Variants in TTC39A observed in about 807,000 individuals in gnomAD.
TTC39A encodes the protein tetratricopeptide repeat protein 39A.
In TTC39A, 46 loss-of-function variants were observed where a neutral mutation model predicts 82.3. That is an observed-to-expected ratio of 0.56 (90% CI 0.44 to 0.71). The LOEUF is 0.71. Among genes scored for constraint, TTC39A ranks in the 30% least tolerant of loss-of-function variants. TTC39A has a pLI of 0.00. For synonymous variants in TTC39A, 254 were observed against 275.2 expected, an observed-to-expected ratio of 0.92 and a Z score of 0.76; for missense variants, 543 against 712.9, an observed-to-expected ratio of 0.76 and a Z score of 2.71.
chr1:51,313,079 T>C (rs1324030483), intron 2 of TTC39A, 136 bp from the exon 3 acceptor site: 8 of 1,215,356 alleles, frequency 6.6e-6, no homozygotes, highest in Non-Finnish European at 9.2e-6. Context: ...GGGAGGGCCT[T>C]GGCCAGGTCT....
chr1:51,308,320 A>G (rs1248930936), intron 6 of TTC39A, among the ~76,000 whole-genome samples: 2 of 150,506 alleles, frequency 1.3e-5, no homozygotes, highest in Non-Finnish European at 3.0e-5. Context: ...GCTCACTGCA[A>G]CCTCCGCCTC....
intron 1 of TTC39A, among the ~76,000 whole-genome samples, chr1:51,340,580 T>C (rs1646022230): frequency 6.6e-6 from 1 of 152,148 alleles, no homozygotes; most frequent in Non-Finnish European, 1.5e-5. Flanking sequence ...AGCCTCTTCT[T>C]ACTTGACCCC....
chr1:51,288,920 G>T lies in TTC39A; in HGVS notation c.1529C>A (p.Pro510Gln). Residue 510 changes from proline (P) to glutamine (Q), a missense_variant, in exon 17 of 18, where the codon CCA (proline) becomes CAA (glutamine). Pro to Gln is a moderately conservative substitution (Grantham distance 76). Coordinates refer to ENST00000680483, the MANE Select transcript of TTC39A (RefSeq NM_001297663.2). This position sits in a 1 kb window ranked among gnomAD's most constrained non-coding sequence, Gnocchi z 4.8. ...CAGGGCCAGCTCCAGCAGGGCGTTT[G>T]GGATCAAGTAGTGGTCATATTTAAT... ...KKIKYDHYLI[P>Q]NALLELALLL... 1 of 1,611,188 alleles carries T rather than the reference G, an allele frequency of 6.2e-7. No individual in the cohort carries two copies.
chr1:51,301,631 G>A lies in TTC39A; in HGVS notation c.994C>T (p.Gln332Ter). 1 of 1,613,724 alleles carries A rather than the reference G, an allele frequency of 6.2e-7. No individual in the cohort carries two copies. The highest frequency in any genetic ancestry group is 8.5e-7 in the Non-Finnish European group (1 of 1,179,740). The change falls in exon 12 of 18, where the codon CAG becomes TAG. Residue 332 changes from glutamine (Q) to a stop codon, truncating the protein, a stop_gained. Coordinates refer to ENST00000680483, the MANE Select transcript of TTC39A (RefSeq NM_001297663.2). LOFTEE classifies it high-confidence loss of function. The part of the protein sequence containing the change: ...ELMWCFTYKG[Q>*]WKMSYFYADL... ...GCGTAGAAGTAGGACATCTTCCACT[G>A]GCCCTTGTAGGTGAAGCACCACATC... is the stretch of plus-strand genomic sequence containing the variant.
chr1:51,299,151 C>T (rs550491543), intron 12 of TTC39A: 4 of 152,314 alleles, frequency 2.6e-5, no homozygotes, highest in East Asian at 1.9e-4. Flanking sequence ...ACTTAGGCCT[C>T]GGAACCTGGC....
At chr1:51,311,352 T>C in intron 4 of TTC39A, 31 bp from the exon 5 acceptor site, 1 of 1,551,170 alleles carries the variant, frequency 6.4e-7, no homozygotes, top group Non-Finnish European at 8.7e-7. Flanking sequence ...CCCCGTGGCC[T>C]CCTGGGACTC....
chr1:51,333,220 C>CAA (rs748559262), upstream of TTC39A, among the ~76,000 whole-genome samples: 6,973 of 79,904 alleles, frequency 0.087, 227 homozygotes, highest in East Asian at 0.13. Context: ...TCGCCCCCAC[C>CAA]AAAAAAAAAA....
intron 6 of TTC39A, 99 bp downstream of exon 6, chr1:51,309,161 GT>G: frequency 6.9e-7 from 1 of 1,451,566 alleles, no homozygotes; most frequent in Non-Finnish European, 9.3e-7. Flanking sequence ...TCTGGCCTCG[GT>G]TAGTACTCTT....
chr1:51,320,208 C>T (rs778749873), intron 2 of TTC39A, among the ~76,000 whole-genome samples: 8 of 151,930 alleles, frequency 5.3e-5, no homozygotes, highest in Non-Finnish European at 1.2e-4. Flanking sequence ...AAAAACTCAA[C>T]GATAGGATGA....
intron 11 of TTC39A, 106 bp downstream of exon 11, chr1:51,302,251 G>A (rs201705883): frequency 6.4e-5 from 33 of 513,866 alleles, no homozygotes; most frequent in African/African-American, 2.1e-4. Context: ...CCCCCCCCCC[G>A]CCCCCAGTCT....
At chr1:51,331,566 G>A (rs958318286), upstream of TTC39A, 4 of 985,412 alleles carry the variant, frequency 4.1e-6, no homozygotes, top group South Asian at 4.7e-5. Context: ...AAGCAACCAC[G>A]GTGGGAACAG....
chr1:51,297,095 T>G (rs1259404558), intron 12 of TTC39A: 1 of 152,290 alleles, frequency 6.6e-6, no homozygotes, highest in Non-Finnish European at 1.5e-5. Flanking sequence ...GAAAGCGGCC[T>G]CCACCTGGCA....
At chr1:51,306,585 AC>A in intron 6 of TTC39A, among the ~76,000 whole-genome samples, 1 of 151,642 alleles carries the variant, frequency 6.6e-6, no homozygotes, top group East Asian at 1.9e-4. Flanking sequence ...TAACCAAAAC[AC>A]CTCCTCCTTC....
chr1:51,342,377 T>G (rs897882147), intron 1 of TTC39A, among the ~76,000 whole-genome samples: 4 of 152,142 alleles, frequency 2.6e-5, no homozygotes, highest in Non-Finnish European at 4.4e-5. Flanking sequence ...CAGTGACTGT[T>G]AGGTCCTTTA....
Position 51,302,501 on chromosome 1 carries a change from C to A in TTC39A, c.831+5G>T, listed in dbSNP as rs1384788062. The stretch of plus-strand genomic sequence containing the variant: ...TGGGGGTACCGGGCAGCACATGGGG[C>A]TCACCTTAGGGTACCGGTTCAGGTA... On this transcript the variant is annotated splice_donor_5th_base_variant and intron_variant, in intron 10 of 17. Transcript: ENST00000680483. 1 of 1,609,224 alleles carries A rather than the reference C, an allele frequency of 6.2e-7. No homozygotes were observed. Among genetic ancestry groups the A allele is most frequent in the Non-Finnish European group, 8.5e-7 (1 of 1,177,832 alleles).
In TTC39A at chr1:51,294,385, ACC is replaced by A. The variant is rs1644333775; in HGVS notation, c.1266+4_1266+5del. 1 of 1,613,766 alleles carries A rather than the reference ACC, an allele frequency of 6.2e-7. No homozygotes were observed. Among genetic ancestry groups the A allele is most frequent in the Admixed American group, 1.7e-5 (1 of 60,002 alleles). On this transcript the variant is annotated splice_donor_5th_base_variant and intron_variant, in intron 14 of 17. Coordinates refer to ENST00000680483, the MANE Select transcript of TTC39A (RefSeq NM_001297663.2). This position sits in a 1 kb window ranked among gnomAD's most constrained non-coding sequence, Gnocchi z 4.3. ...AGGGCAGCGCCAGTCCAGACCTCCT[ACC>A]CACCAGAGCAGGCACTGGCAGCGAG...
In TTC39A at chr1:51,324,360, T is replaced by G. The variant is rs1254553474; in HGVS notation, c.42-2535A>C. On this transcript the variant is annotated intron_variant, in intron 1 of 17. Coordinates refer to ENST00000680483, the MANE Select transcript of TTC39A (RefSeq NM_001297663.2). ...AAGACCTTCTTTCCCATCTGTTGAG[T>G]GGCCGTTGAAACTCCTGGCTTTAGA... is the stretch of plus-strand genomic sequence containing the variant. Among the ~76,000 whole-genome samples, 4 of 152,158 alleles carry G rather than the reference T, an allele frequency of 2.6e-5. No homozygotes were observed. In the East Asian group the frequency reaches 5.8e-4, roughly 22 times the overall value.
intron 1 of TTC39A, chr1:51,342,898 C>G: frequency 2.6e-6 from 1 of 381,584 alleles, no homozygotes. Context: ...GCGTCTACCT[C>G]CCATTCCCTC....
At chr1:51,323,771 C>T (rs1645612665) in intron 1 of TTC39A, among the ~76,000 whole-genome samples, 1 of 151,960 alleles carries the variant, frequency 6.6e-6, no homozygotes, top group Non-Finnish European at 1.5e-5. Flanking sequence ...TATTATGTTC[C>T]CTGCCTCAAG....
Sources: allele counts gnomAD v4.1 joint callset (sites outside exome capture counted in the v4.1 genomes callset), GRCh38; gene constraint gnomAD v4.1.1; non-coding constraint Gnocchi (gnomAD v3.1); transcripts MANE v1.5; gene names NCBI Gene and HGNC (gene_info 2026-07-23, HGNC 2026-07-21).